The following SPDYE10 variants were observed in gnomAD, a reference collection of about 807,000 sequenced individuals.
SPDYE10 encodes speedy/RINGO cell cycle regulator family member E10.
At chr7:73,113,697 C>T in the SPDYE10 span, among the ~76,000 whole-genome samples, 1 of 152,144 alleles carries the variant, frequency 6.6e-6, no homozygotes, top group African/African-American at 2.4e-5. Flanking sequence ...AGTTTAAGAG[C>T]AGCCTGGCCA....
At chr7:73,128,359 G>T in the SPDYE10 span, among the ~76,000 whole-genome samples, 1 of 143,064 alleles carries the variant, frequency 7.0e-6, no homozygotes, top group African/African-American at 2.7e-5. Flanking sequence ...TTGTGAGTCT[G>T]GCAGAATGCA....
At chr7:73,116,890 C>T in the SPDYE10 span, among the ~76,000 whole-genome samples, 2 of 150,442 alleles carry the variant, frequency 1.3e-5, no homozygotes, top group Admixed American at 1.3e-4. Context: ...CTCAGCCTAA[C>T]AGATTTGTTT....
At chr7:73,114,498 T>C in the SPDYE10 span, among the ~76,000 whole-genome samples, 1 of 150,736 alleles carries the variant, frequency 6.6e-6, no homozygotes, top group African/African-American at 2.4e-5. Context: ...TTTGCAAGTG[T>C]AAATCAGATC....
chr7:73,115,394 G>C, the SPDYE10 span, among the ~76,000 whole-genome samples: 1 of 151,818 alleles, frequency 6.6e-6, no homozygotes. Flanking sequence ...AGGGAGACCA[G>C]TTCTCCACTC....
the SPDYE10 span, among the ~76,000 whole-genome samples, chr7:73,113,818 G>C: frequency 2.6e-5 from 4 of 151,888 alleles, no homozygotes; most frequent in Admixed American, 2.6e-4. Context: ...GGTGGATCAC[G>C]AGATCAGGAG....
the SPDYE10 span, among the ~76,000 whole-genome samples, chr7:73,113,545 A>AT: frequency 7.1e-6 from 1 of 140,998 alleles, no homozygotes; most frequent in Non-Finnish European, 1.5e-5. Flanking sequence ...TGTCAAAAAA[A>AT]TTTTTTTAAT....
chr7:73,154,813 G>GCAA, the SPDYE10 span: 2 of 211,222 alleles, frequency 9.5e-6, 1 homozygote, highest in African/African-American at 4.9e-5. Flanking sequence ...AGCAACAGCA[G>GCAA]CAACAGCAGC....
the SPDYE10 span, among the ~76,000 whole-genome samples, chr7:73,117,378 T>TA: frequency 2.5e-5 from 2 of 79,312 alleles, no homozygotes; most frequent in African/African-American, 1.2e-4. Flanking sequence ...GCGCCCGGCC[T>TA]AATTTTTGTA....
the SPDYE10 span, among the ~76,000 whole-genome samples, chr7:73,113,743 A>G: frequency 7.2e-5 from 11 of 151,938 alleles, no homozygotes; most frequent in African/African-American, 2.7e-4. Flanking sequence ...AAAATACAAA[A>G]AATTAGACGG....
At chr7:73,113,664 CA>C in the SPDYE10 span, among the ~76,000 whole-genome samples, 1 of 151,710 alleles carries the variant, frequency 6.6e-6, no homozygotes, top group African/African-American at 2.4e-5. Context: ...GAGGCCATAG[CA>C]GGTGGATCGC....
the SPDYE10 span, among the ~76,000 whole-genome samples, chr7:73,120,902 C>T: frequency 6.7e-6 from 1 of 148,600 alleles, no homozygotes; most frequent in Non-Finnish European, 1.5e-5. Context: ...CCCACTGCAA[C>T]CTCCACCTCC....
chr7:73,132,498 G>A, the SPDYE10 span, among the ~76,000 whole-genome samples: 1 of 151,642 alleles, frequency 6.6e-6, no homozygotes, highest in Non-Finnish European at 1.5e-5. Context: ...AGTGAACTAT[G>A]ATCACATCAC....
chr7:73,149,865 G>A, the SPDYE10 span, among the ~76,000 whole-genome samples: 2 of 100,986 alleles, frequency 2.0e-5, no homozygotes, highest in Non-Finnish European at 3.9e-5. Context: ...AAGTCCCAAT[G>A]CACAGGACTT....
the SPDYE10 span, among the ~76,000 whole-genome samples, chr7:73,116,939 A>T: frequency 5.3e-5 from 8 of 151,018 alleles, no homozygotes; most frequent in African/African-American, 2.0e-4. Flanking sequence ...TGTGTTGCCC[A>T]GGCTGGAGTG....
the SPDYE10 span, among the ~76,000 whole-genome samples, chr7:73,127,157 G>A: frequency 1.8e-5 from 1 of 54,196 alleles, no homozygotes; most frequent in Non-Finnish European, 3.5e-5. Flanking sequence ...GGTCAGGCTG[G>A]TCTCAAACTC....
At chr7:73,137,873 A>G in the SPDYE10 span, among the ~76,000 whole-genome samples, 4,484 of 50,640 alleles carry the variant, frequency 0.089, no homozygotes, top group East Asian at 0.32. Flanking sequence ...GAAGGAGAGG[A>G]GAAGGGGAGG....
the SPDYE10 span, among the ~76,000 whole-genome samples, chr7:73,154,422 G>C: frequency 1.3e-5 from 2 of 150,094 alleles, no homozygotes; most frequent in African/African-American, 2.5e-5. Flanking sequence ...CTCTTGCTAG[G>C]AACTCCCATT....
chr7:73,141,126 G>A, the SPDYE10 span, among the ~76,000 whole-genome samples: 2 of 151,514 alleles, frequency 1.3e-5, no homozygotes, highest in South Asian at 2.1e-4. Flanking sequence ...AAAATTAGCC[G>A]GCGTGAGGCT....
the SPDYE10 span, among the ~76,000 whole-genome samples, chr7:73,124,436 GT>G: frequency 1.3e-5 from 2 of 149,518 alleles, no homozygotes; most frequent in Admixed American, 6.8e-5. Flanking sequence ...CTTGAAATTG[GT>G]GTTCAGCCCT....
Sources: gnomAD v4.1 joint callset for allele counts (sites outside exome capture counted in the v4.1 genomes callset) on GRCh38, gnomAD v4.1.1 for gene constraint, MANE v1.5 for transcripts, NCBI Gene and HGNC (gene_info 2026-07-23, HGNC 2026-07-21) for gene names.